Variants in DYNC2H1 observed in about 807,000 individuals in gnomAD.
DYNC2H1 encodes the protein cytoplasmic dynein 2 heavy chain 1.
Under a neutral mutation model 570.0 loss-of-function variants are expected in DYNC2H1, and 410 were observed. That is an observed-to-expected ratio of 0.72 (90% CI 0.66 to 0.78). The LOEUF (loss-of-function observed/expected upper bound fraction) is 0.78. Among genes scored for constraint, DYNC2H1 ranks in the 30% least tolerant of loss-of-function variants. The probability of loss-of-function intolerance (pLI) is 0.00; values close to 1 mark genes in which losing one functional copy is unlikely to be tolerated. For synonymous variants in DYNC2H1, 1,688 were observed against 1,677.6 expected (o/e 1.01, Z -0.15); for missense variants, 4,865 against 5,046.4 (o/e 0.96, Z 1.09).
intron 59 of DYNC2H1, among the ~76,000 whole-genome samples, chr11:103,223,432 G>C (rs755861720): frequency 1.2e-4 from 18 of 152,012 alleles, no homozygotes; most frequent in Non-Finnish European, 2.4e-4. Context: ...TTGTTGCCCA[G>C]GCTGGATTGC....
chr11:103,397,229 G>C (rs1181524461), intron 83 of DYNC2H1, among the ~76,000 whole-genome samples: 1 of 152,052 alleles, frequency 6.6e-6, no homozygotes, highest in East Asian at 1.9e-4. Context: ...TATACACTGA[G>C]CTTTTTAAGG....
At chr11:103,478,842 ATATT>A (rs892256713) in intron 88 of DYNC2H1, among the ~76,000 whole-genome samples, 2 of 151,978 alleles carry the variant, frequency 1.3e-5, no homozygotes, top group East Asian at 1.9e-4. Context: ...ATATATGTAA[ATATT>A]TATAGGTGAA....
At chr11:103,402,415 C>A (rs145585095) in intron 84 of DYNC2H1, 1 of 152,052 alleles carries the variant, frequency 6.6e-6, no homozygotes, top group Non-Finnish European at 1.5e-5. Context: ...AATATCACGT[C>A]ATCATTGGTA....
chr11:103,220,790 T>G lies in DYNC2H1; in HGVS notation c.9107+7T>G. The G allele has an allele frequency of 3.1e-6, 5 of 1,595,466 alleles. No individual in the cohort carries two copies. Among genetic ancestry groups the G allele is most frequent in the Non-Finnish European group, 4.3e-6 (5 of 1,172,230 alleles). On this transcript the variant is annotated splice_region_variant and intron_variant, in intron 57 of 88. Transcript: ENST00000375735. ...CTTGGGTGAGCATGAAAAGGTACAT[T>G]TTTCAATTTGTGAAAAATATTATTT...
chr11:103,251,830 T>C (rs1864842399), intron 65 of DYNC2H1, among the ~76,000 whole-genome samples: 1 of 152,308 alleles, frequency 6.6e-6, no homozygotes, highest in South Asian at 2.1e-4. Context: ...ATACATGTTA[T>C]GGCAAATGGC....
Position 103,399,729 on chromosome 11 carries a change from T to C in DYNC2H1, c.12223T>C (p.Phe4075Leu), listed in dbSNP as rs1207449421. The C allele has an allele frequency of 6.8e-6, 11 of 1,613,796 alleles. No homozygotes were observed. The highest frequency in any genetic ancestry group is 9.3e-6 in the Non-Finnish European group (11 of 1,179,844). The stretch of plus-strand genomic sequence containing the variant: ...TCGACAAGGATCTCCAATACTGTCA[T>C]TCATCATTCTTGAACAATTTAATGC... Reference protein sequence around the residue: ...NDRQGSPILSFIILEQFNAIR... With the variant: ...NDRQGSPILSLIILEQFNAIR... Residue 4075 changes from phenylalanine (F) to leucine (L), a missense_variant, in exon 84 of 89, where the codon TTC becomes CTC. Transcript: ENST00000375735.
At chr11:103,286,526 C>T in intron 74 of DYNC2H1, 140 bp downstream of exon 74, 1 of 997,550 alleles carries the variant, frequency 1.0e-6, no homozygotes, top group Non-Finnish European at 1.4e-6. Context: ...GATCCTTTTG[C>T]CACCTTATTG....
At position 103,256,365 on chromosome 11, in the gene DYNC2H1, A is replaced by G. The variant is rs919736692; in HGVS notation, c.10461+125A>G. The G allele has an allele frequency of 3.2e-6, 3 of 930,096 alleles. No homozygotes were observed. The highest frequency in any genetic ancestry group is 4.7e-6 in the Non-Finnish European group (3 of 639,974). 57.6% of individuals were successfully genotyped at this position (930,096 alleles called of 1,614,324 possible). ...GTGAAAAGAAAAAAGCTATTCAAAA[A>G]CATCAGAACATTGGGTTTGATTCTA... On this transcript the variant is annotated intron_variant, in intron 68 of 88. Transcript: ENST00000375735. This position sits in a 1 kb window ranked among gnomAD's most constrained non-coding sequence, Gnocchi z 4.0.
chr11:103,442,424 T>C (rs545701146), intron 85 of DYNC2H1, among the ~76,000 whole-genome samples: 2 of 152,208 alleles, frequency 1.3e-5, no homozygotes, highest in Non-Finnish European at 2.9e-5. Flanking sequence ...GAAATTTTAT[T>C]CAGAAAAATA....
intron 17 of DYNC2H1, among the ~76,000 whole-genome samples, chr11:103,140,826 T>A (rs1859873114): frequency 6.6e-6 from 1 of 152,254 alleles, no homozygotes; most frequent in African/African-American, 2.4e-5. Context: ...ATTCTCCCCG[T>A]CACTTTCAGG....
rs544430460 is a variant in DYNC2H1 at position 103,299,614 on chromosome 11, A to C, written c.11096-3479A>C. On this transcript the variant is annotated intron_variant, in intron 75 of 88. Transcript: ENST00000375735. This position sits in a 1 kb window ranked among gnomAD's most constrained non-coding sequence, Gnocchi z 4.5. ...GCAGATCGATTCCTTTGCATGCTTC[A>C]TATCACTCCTGTTTCTCTTTTCTGC... Among the ~76,000 whole-genome samples, 52 of 152,204 alleles carry C rather than the reference A, an allele frequency of 3.4e-4. No homozygotes were observed. The highest frequency in any genetic ancestry group is 6.9e-4 in the Non-Finnish European group (47 of 67,982).
In DYNC2H1 at chr11:103,181,972, C is replaced by A; in HGVS notation, c.6477+86C>A. Reference sequence around the variant, plus strand: ...TTATTTTAACTTCCTTGTGGTAGAACTCTGCTGGAATGTGGGTGTGAGGTG... The same window carrying A: ...TTATTTTAACTTCCTTGTGGTAGAAATCTGCTGGAATGTGGGTGTGAGGTG... On this transcript the variant is annotated intron_variant, in intron 40 of 88. Coordinates refer to ENST00000375735, the MANE Select transcript of DYNC2H1 (RefSeq NM_001377.3). This position sits in a 1 kb window ranked among gnomAD's most constrained non-coding sequence, Gnocchi z 5.0. The A allele has an allele frequency of 6.9e-7, 1 of 1,450,088 alleles. No homozygotes were observed. 89.8% of individuals were successfully genotyped at this position (1,450,088 alleles called of 1,614,324 possible).
At chr11:103,428,828 A>G (rs61896871) in intron 84 of DYNC2H1, among the ~76,000 whole-genome samples, 19,878 of 152,102 alleles carry the variant, frequency 0.13, 1,827 homozygotes, top group Non-Finnish European at 0.19. Context: ...TTCTTTTTTA[A>G]GGTGAATAAT....
Position 103,280,684 on chromosome 11 carries a change from G to A in DYNC2H1, c.10761+271G>A, listed in dbSNP as rs1866095632. On this transcript the variant is annotated intron_variant, in intron 71 of 88. Transcript: ENST00000375735. The surrounding 1 kb of genome is among the most constrained non-coding windows in gnomAD (Gnocchi z 4.7). ...CCAAGTTCACTTACTTAGGGCAACA[G>A]AAGAGTCAGCCTTCTTCTTTTCCCG... Among the ~76,000 whole-genome samples the A allele has an allele frequency of 6.6e-6, 1 of 152,066 alleles. No homozygotes were observed. The highest frequency in any genetic ancestry group is 6.6e-5 in the Admixed American group (1 of 15,250).
Position 103,191,614 on chromosome 11 carries a change from A to T in DYNC2H1, c.7535A>T (p.Glu2512Val), listed in dbSNP as rs1862315795. ...WVLGLFRYDL[E>V]GGSSNHPLDY... Reference sequence around the variant, plus strand: ...CTTGGCTTATTTAGATATGATTTAGAAGGAGGTGAGTTTTGCTAGTGTGTA... The same window carrying T: ...CTTGGCTTATTTAGATATGATTTAGTAGGAGGTGAGTTTTGCTAGTGTGTA... The change falls in exon 46 of 89, where the codon GAA becomes GTA. Residue 2512 changes from glutamate to valine, a missense_variant. Coordinates refer to ENST00000375735, the MANE Select transcript of DYNC2H1 (RefSeq NM_001377.3). The T allele has an allele frequency of 6.2e-7, 1 of 1,603,054 alleles. No homozygotes were observed. Among genetic ancestry groups the T allele is most frequent in the Admixed American group, 1.7e-5 (1 of 58,978 alleles).
intron 82 of DYNC2H1, among the ~76,000 whole-genome samples, chr11:103,329,186 CTA>C (rs1422877432): frequency 6.6e-6 from 1 of 151,828 alleles, no homozygotes; most frequent in African/African-American, 2.4e-5. Context: ...TGGGAAATAT[CTA>C]TGATTAACAC....
chr11:103,128,604 G>A (rs1243162341), intron 12 of DYNC2H1, among the ~76,000 whole-genome samples: 1 of 152,194 alleles, frequency 6.6e-6, no homozygotes, highest in South Asian at 2.1e-4. Context: ...TAGTTTTTTA[G>A]CATTTAACAT....
intron 66 of DYNC2H1, 104 bp downstream of exon 66, chr11:103,253,552 C>G (rs1591478710): frequency 8.8e-7 from 1 of 1,135,732 alleles, no homozygotes; most frequent in Non-Finnish European, 1.2e-6. Context: ...TTAGTATTTA[C>G]ATTTATGATT....
chr11:103,132,167 CTG>C (rs1859312800), intron 13 of DYNC2H1, among the ~76,000 whole-genome samples: 1 of 152,034 alleles, frequency 6.6e-6, no homozygotes, highest in South Asian at 2.1e-4. Flanking sequence ...TCAAGGGCCT[CTG>C]TTCATTTTTC....
Sources: gnomAD v4.1 joint callset for allele counts (sites outside exome capture counted in the v4.1 genomes callset) on GRCh38, gnomAD v4.1.1 for gene constraint, Gnocchi (gnomAD v3.1) non-coding constraint, MANE v1.5 for transcripts, NCBI Gene and HGNC (gene_info 2026-07-23, HGNC 2026-07-21) for gene names.